The following C10orf90 variants were observed in gnomAD, a reference collection of about 807,000 sequenced individuals.
The protein encoded by C10orf90 is (E2-independent) E3 ubiquitin-conjugating enzyme FATS.
In C10orf90, 56 loss-of-function variants were observed where a neutral mutation model predicts 62.5. The ratio of observed to expected loss-of-function variants is 0.90; its 90% CI spans 0.72 to 1.12. The LOEUF is 1.12. Ranked by LOEUF, C10orf90 falls within the 50% of genes most tolerant of loss-of-function variation. C10orf90 has a pLI of 0.00. For missense variants in C10orf90, 970 were observed against 880.4 expected (o/e 1.10, Z -1.29); for synonymous variants, 386 against 340.4 (o/e 1.13, Z -1.47).
intron 2 of C10orf90, among the ~76,000 whole-genome samples, chr10:126,577,756 G>A (rs1844656521): frequency 6.6e-6 from 1 of 152,048 alleles, no homozygotes; most frequent in Non-Finnish European, 1.5e-5. Context: ...TCATGCTAAA[G>A]TTACAAAAAT....
chr10:126,464,262 G>A (rs1276416006), intron 5 of C10orf90, among the ~76,000 whole-genome samples: 2 of 152,174 alleles, frequency 1.3e-5, no homozygotes, highest in Non-Finnish European at 2.9e-5. Flanking sequence ...AGTGTCTCAT[G>A]CTTGTTAAGC....
chr10:126,635,631 T>C (rs773217954), intron 2 of C10orf90, among the ~76,000 whole-genome samples: 1 of 152,200 alleles, frequency 6.6e-6, no homozygotes, highest in African/African-American at 2.4e-5. Flanking sequence ...GTGTCACTCA[T>C]ATGGTCTGCA....
intron 7 of C10orf90, among the ~76,000 whole-genome samples, chr10:126,440,365 C>T (rs1253083920): frequency 2.0e-5 from 3 of 152,102 alleles, no homozygotes; most frequent in African/African-American, 4.8e-5. Context: ...ATCCCCTATC[C>T]GCCACAGCAG....
At chr10:126,555,691 A>C (rs1335837734) in intron 2 of C10orf90, among the ~76,000 whole-genome samples, 1 of 143,474 alleles carries the variant, frequency 7.0e-6, no homozygotes, top group Non-Finnish European at 1.5e-5. Context: ...TAAATAAATA[A>C]ATAAATAAAT....
At chr10:126,429,404 C>G (rs1357527009) in intron 8 of C10orf90, among the ~76,000 whole-genome samples, 3 of 152,170 alleles carry the variant, frequency 2.0e-5, no homozygotes, top group Admixed American at 6.5e-5. Flanking sequence ...ACAGTCCAGA[C>G]CCTTAGGAGA....
In C10orf90 at chr10:126,454,414, T is replaced by G. The variant is rs148568163; in HGVS notation, c.2188+4626A>C. On this transcript the variant is annotated intron_variant, in intron 7 of 9. Coordinates refer to ENST00000488181, the MANE Select transcript of C10orf90 (RefSeq NM_001350921.2). ...CCTCTACAACTTGCAGGGGCTGTATTCCTATGACCTGCAGAGGTTGTAACT... is the reference window on the plus strand; with the variant it reads ...CCTCTACAACTTGCAGGGGCTGTATGCCTATGACCTGCAGAGGTTGTAACT... 5.5e-3 allele frequency among the ~76,000 whole-genome samples: 825 copies of G among 151,000 alleles called. 18 individuals are homozygous for G. Among genetic ancestry groups the G allele is most frequent in the South Asian group, 0.015 (70 of 4,772 alleles).
At chr10:126,618,324 G>A (rs1388913587) in intron 2 of C10orf90, among the ~76,000 whole-genome samples, 1 of 152,062 alleles carries the variant, frequency 6.6e-6, no homozygotes. Context: ...TTTTTATCTG[G>A]CTTTGCCCCT....
At position 126,436,310 on chromosome 10, in the gene C10orf90, A is replaced by G. The variant is rs528202026; in HGVS notation, c.2189-6460T>C. ...ACAGACTATTTTCTGCAATGAGCAC[A>G]TTGTTGAATTTGAAGGCAAATCAGC... is the stretch of plus-strand genomic sequence containing the variant. On this transcript the variant is annotated intron_variant, in intron 7 of 9. Coordinates refer to ENST00000488181, the MANE Select transcript of C10orf90 (RefSeq NM_001350921.2). Among the ~76,000 whole-genome samples, 3 of 152,340 alleles carry G rather than the reference A, an allele frequency of 2.0e-5. No homozygotes were observed. In the East Asian group the frequency reaches 5.8e-4, roughly 29 times the overall value.
chr10:126,609,358 G>A (rs541754529), intron 2 of C10orf90, among the ~76,000 whole-genome samples: 28 of 152,268 alleles, frequency 1.8e-4, no homozygotes, highest in Non-Finnish European at 2.9e-4. Context: ...AGCCGAGATC[G>A]CGCCATTGCA....
chr10:126,486,718 T>A (rs539404010), intron 4 of C10orf90, among the ~76,000 whole-genome samples: 1 of 152,230 alleles, frequency 6.6e-6, no homozygotes, highest in East Asian at 1.9e-4. Context: ...TCAGATGACT[T>A]TAGATACAAG....
intron 2 of C10orf90, among the ~76,000 whole-genome samples, chr10:126,532,107 C>G (rs1564859890): frequency 6.6e-6 from 1 of 152,218 alleles, no homozygotes; most frequent in East Asian, 1.9e-4. Context: ...CAACTTAGCT[C>G]TGGAGCTAGC....
At chr10:126,438,568 C>G (rs1238819526) in intron 7 of C10orf90, among the ~76,000 whole-genome samples, 4 of 151,964 alleles carry the variant, frequency 2.6e-5, no homozygotes, top group Non-Finnish European at 5.9e-5. Context: ...TCAAAGGAAT[C>G]TGAAGGAACT....
chr10:126,593,784 T>C (rs935940362), intron 2 of C10orf90, among the ~76,000 whole-genome samples: 1 of 149,502 alleles, frequency 6.7e-6, no homozygotes, highest in African/African-American at 2.4e-5. Context: ...TTTTAAAAAG[T>C]TTTTGTTGTT....
At chr10:126,465,165 T>G (rs1369634310) in intron 4 of C10orf90, among the ~76,000 whole-genome samples, 179 bp from the exon 5 acceptor site, 2 of 152,178 alleles carry the variant, frequency 1.3e-5, no homozygotes, top group Non-Finnish European at 2.9e-5. Context: ...AAAGAGACTG[T>G]GCTTGGTGGT....
chr10:126,458,667 C>G (rs972073170), intron 7 of C10orf90, among the ~76,000 whole-genome samples: 1 of 152,148 alleles, frequency 6.6e-6, no homozygotes, highest in South Asian at 2.1e-4. Context: ...AAGCTGGAGT[C>G]AACCTCTCAC....
chr10:126,635,648 T>C (rs759593880), intron 2 of C10orf90, among the ~76,000 whole-genome samples: 2 of 152,200 alleles, frequency 1.3e-5, no homozygotes, highest in Non-Finnish European at 2.9e-5. Context: ...TGCACTCCCC[T>C]CCCAGACCTG....
At chr10:126,603,915 C>T (rs1845252270) in intron 2 of C10orf90, among the ~76,000 whole-genome samples, 1 of 152,202 alleles carries the variant, frequency 6.6e-6, no homozygotes, top group African/African-American at 2.4e-5. Context: ...CAGGAGATTG[C>T]TTCACCGCAA....
At chr10:126,620,784 G>T (rs1845629735) in intron 2 of C10orf90, among the ~76,000 whole-genome samples, 1 of 149,616 alleles carries the variant, frequency 6.7e-6, no homozygotes, top group South Asian at 2.1e-4. Flanking sequence ...CTATTCATTT[G>T]TTTTCATTTT....
intron 7 of C10orf90, among the ~76,000 whole-genome samples, chr10:126,451,399 G>T (rs2134069370): frequency 6.6e-6 from 1 of 152,250 alleles, no homozygotes; most frequent in African/African-American, 2.4e-5. Context: ...GTATTATTCA[G>T]AATAGCCAAG....
Sources: gnomAD v4.1 joint callset for allele counts (sites outside exome capture counted in the v4.1 genomes callset) on GRCh38, gnomAD v4.1.1 for gene constraint, MANE v1.5 for transcripts, NCBI Gene and HGNC (gene_info 2026-07-23, HGNC 2026-07-21) for gene names.